DCDC2C: variants seen among roughly 807,000 people sequenced by gnomAD.
DCDC2C encodes doublecortin domain-containing protein 2C.
Under a neutral mutation model 45.0 loss-of-function variants are expected in DCDC2C, and 44 were observed. The observed-to-expected ratio is 0.98, with a 90% CI of 0.77 to 1.26. The LOEUF (loss-of-function observed/expected upper bound fraction) is 1.26, where lower values mean the gene tolerates loss of function less well. Ranked by LOEUF, DCDC2C falls within the 50% of genes most tolerant of loss-of-function variation. The pLI is 0.00. For synonymous variants in DCDC2C, 187 were observed against 178.8 expected, an observed-to-expected ratio of 1.05 and a Z score of -0.37; for missense variants, 447 against 468.9, an observed-to-expected ratio of 0.95 and a Z score of 0.43.
rs183750273 is a variant in DCDC2C, at chr2:3,840,878, T to C, written c.1066-6276T>C. ...CCCGTGATTCACTACCTAGTAGGGGTGTCACCAAGCTTCCCACTGACAGGC... is the reference window on the plus strand; with the variant it reads ...CCCGTGATTCACTACCTAGTAGGGGCGTCACCAAGCTTCCCACTGACAGGC... On this transcript the variant is annotated intron_variant, in intron 10 of 10. Coordinates refer to ENST00000399143, the MANE Select transcript of DCDC2C (RefSeq NM_001287444.2). Among the ~76,000 whole-genome samples the C allele has an allele frequency of 9.4e-4, 143 of 152,246 alleles. 2 individuals are homozygous for C. The Middle Eastern group carries it at 0.031, about 33-fold the overall frequency.
rs569214360 is a variant in DCDC2C, at chr2:3,722,713, GA to G, written c.340-4283del. On this transcript the variant is annotated intron_variant, in intron 2 of 10. Coordinates refer to ENST00000399143, the MANE Select transcript of DCDC2C (RefSeq NM_001287444.2). ...AGGAGATTATTTTATGAAGTACAGA[GA>G]AAAAAATCCAGAATCACATTATTTG... Among the ~76,000 whole-genome samples, 149 of 152,236 alleles carry G rather than the reference GA, an allele frequency of 9.8e-4. 2 individuals are homozygous for G. The highest frequency in any genetic ancestry group is 2.6e-3 in the African/African-American group (107 of 41,548).
chr2:3,774,540 T>TG (rs1206243503), intron 8 of DCDC2C, among the ~76,000 whole-genome samples: 1 of 152,124 alleles, frequency 6.6e-6, no homozygotes, highest in Non-Finnish European at 1.5e-5. Flanking sequence ...CACTGAGACA[T>TG]GGGATGCTGG....
intron 10 of DCDC2C, among the ~76,000 whole-genome samples, chr2:3,788,783 T>TACC (rs1670722505): frequency 1.1e-5 from 1 of 92,666 alleles, no homozygotes; most frequent in African/African-American, 4.1e-5. Flanking sequence ...TCCGTTTCCC[T>TACC]TTCTTCCTCC....
chr2:3,779,876 C>T lies in DCDC2C; in HGVS notation c.1023+992C>T, dbSNP rs149716773. Among the ~76,000 whole-genome samples, 545 of 152,150 alleles carry T rather than the reference C, an allele frequency of 3.6e-3. 2 individuals are homozygous for T. Among genetic ancestry groups the T allele is most frequent in the Middle Eastern group, 0.01 (3 of 294 alleles). On this transcript the variant is annotated intron_variant, in intron 9 of 10. Transcript: ENST00000399143. ...AGCTTGTGCCAGGGTGCTGGAGCCA[C>T]GCAGGTCACCCCCGGCGCCTGACAC...
At chr2:3,767,332 C>T (rs181605900) in intron 6 of DCDC2C, among the ~76,000 whole-genome samples, 8 of 152,366 alleles carry the variant, frequency 5.3e-5, no homozygotes, top group Admixed American at 4.6e-4. Context: ...TCTCATCCTG[C>T]TCAGAGGTTC....
chr2:3,743,782 C>T (rs11681229), intron 4 of DCDC2C, among the ~76,000 whole-genome samples: 2,787 of 152,234 alleles, frequency 0.018, 81 homozygotes, highest in African/African-American at 0.064. Context: ...AAAATGCCTA[C>T]ATTGGCCGGG....
At chr2:3,755,516 C>T (rs192719868) in intron 6 of DCDC2C, among the ~76,000 whole-genome samples, 3 of 148,532 alleles carry the variant, frequency 2.0e-5, no homozygotes, top group Non-Finnish European at 3.0e-5. Flanking sequence ...TATGAATGCA[C>T]ATGCATGTGC....
intron 2 of DCDC2C, among the ~76,000 whole-genome samples, chr2:3,717,171 C>A (rs1018481874): frequency 1.1e-4 from 16 of 152,174 alleles, no homozygotes; most frequent in African/African-American, 3.4e-4. Flanking sequence ...GTTCAGGCCA[C>A]CCCCACTCCA....
chr2:3,792,822 C>T (rs535711355), intron 10 of DCDC2C, among the ~76,000 whole-genome samples: 8 of 152,200 alleles, frequency 5.3e-5, no homozygotes, highest in African/African-American at 1.7e-4. Context: ...GAAAATCAAA[C>T]GTGAAGAGGA....
chr2:3,708,008 G>A (rs922141748), intron 1 of DCDC2C, among the ~76,000 whole-genome samples: 1 of 152,042 alleles, frequency 6.6e-6, no homozygotes, highest in Non-Finnish European at 1.5e-5. Flanking sequence ...AGTCTCAAAA[G>A]TCCCCAACAG....
intron 3 of DCDC2C, among the ~76,000 whole-genome samples, chr2:3,740,494 T>C (rs1447534927): frequency 6.6e-6 from 1 of 152,230 alleles, no homozygotes; most frequent in Non-Finnish European, 1.5e-5. Context: ...TTCTTAAAAA[T>C]TGAGACAAAA....
intron 8 of DCDC2C, among the ~76,000 whole-genome samples, chr2:3,773,918 A>G (rs881852): frequency 0.53 from 79,958 of 152,110 alleles, 21,446 homozygotes; most frequent in East Asian, 0.68. Context: ...TCTAAAATCC[A>G]GTTATTTTTA....
chr2:3,722,655 A>G (rs1029105658), intron 2 of DCDC2C, among the ~76,000 whole-genome samples: 4 of 152,236 alleles, frequency 2.6e-5, no homozygotes, highest in African/African-American at 9.6e-5. Context: ...TGAGGCTGTC[A>G]TCACCATCAG....
At chr2:3,807,505 T>C (rs1435833080) in intron 10 of DCDC2C, among the ~76,000 whole-genome samples, 4 of 152,214 alleles carry the variant, frequency 2.6e-5, no homozygotes, top group Admixed American at 1.3e-4. Flanking sequence ...GATTCTCATA[T>C]GCAGGAGAAT....
chr2:3,779,454 C>T (rs781002932), intron 9 of DCDC2C, among the ~76,000 whole-genome samples: 9 of 150,776 alleles, frequency 6.0e-5, no homozygotes, highest in Non-Finnish European at 1.3e-4. Context: ...GTCTGTGGTC[C>T]TCTATGAGAT....
intron 6 of DCDC2C, among the ~76,000 whole-genome samples, chr2:3,757,942 A>G (rs542481164): frequency 7.2e-5 from 11 of 152,284 alleles, no homozygotes; most frequent in African/African-American, 1.9e-4. Context: ...GGGGGAAAGC[A>G]CTGTGAGAGT....
At chr2:3,786,111 G>A (rs1312083761) in intron 10 of DCDC2C, among the ~76,000 whole-genome samples, 1 of 152,258 alleles carries the variant, frequency 6.6e-6, no homozygotes, top group Non-Finnish European at 1.5e-5. Flanking sequence ...TATTATGGGG[G>A]AGGGGAACAC....
intron 2 of DCDC2C, among the ~76,000 whole-genome samples, chr2:3,717,092 CTGT>C (rs1365462271): frequency 6.6e-6 from 1 of 152,062 alleles, no homozygotes; most frequent in African/African-American, 2.4e-5. Flanking sequence ...ATTTGTGGGA[CTGT>C]TGTCATTGCC....
At position 3,821,041 on chromosome 2, in the gene DCDC2C, C is replaced by T. The variant is rs77461950; in HGVS notation, c.1066-26113C>T. 4.2e-3 allele frequency among the ~76,000 whole-genome samples: 632 copies of T among 151,892 alleles called. 17 individuals carry two copies. In the East Asian group the frequency reaches 0.077, roughly 19 times the overall value. On this transcript the variant is annotated intron_variant, in intron 10 of 10. Coordinates refer to ENST00000399143, the MANE Select transcript of DCDC2C (RefSeq NM_001287444.2). ...CACCTGGTTGCAGGCGGGCTGAGTC[C>T]AAAAAGAGAGTCAGCAAAGGGAGAT...
Sources: gnomAD v4.1 joint callset for allele counts (sites outside exome capture counted in the v4.1 genomes callset) on GRCh38, gnomAD v4.1.1 for gene constraint, MANE v1.5 for transcripts, NCBI Gene and HGNC (gene_info 2026-07-23, HGNC 2026-07-21) for gene names.